The following TIE1 variants were observed in gnomAD, a reference collection of about 807,000 sequenced individuals.
The protein encoded by TIE1 is tyrosine-protein kinase receptor Tie-1.
A neutral mutation model predicts 130.5 loss-of-function variants in TIE1; 89 were observed. The ratio of observed to expected loss-of-function variants is 0.68; its 90% CI spans 0.57 to 0.81. The LOEUF is 0.81. Among genes scored for constraint, TIE1 ranks in the 40% least tolerant of loss-of-function variants. TIE1 has a pLI of 0.00. For missense variants in TIE1, 1,392 were observed against 1,559.8 expected (o/e 0.89, Z 1.81); for synonymous variants, 568 against 629.4 (o/e 0.90, Z 1.46).
At chr1:43,321,901 C>G (rs1284060035) in intron 22 of TIE1, among the ~76,000 whole-genome samples, 186 bp downstream of exon 22, 1 of 152,226 alleles carries the variant, frequency 6.6e-6, no homozygotes. Context: ...GGTTTAGACA[C>G]CAGGCCCTTC....
chr1:43,322,733 A>G lies in TIE1; in HGVS notation c.*11A>G. 2 of 1,613,320 alleles carry G rather than the reference A, an allele frequency of 1.2e-6. No individual in the cohort carries two copies. Among genetic ancestry groups the G allele is most frequent in the South Asian group, 2.2e-5 (2 of 91,022 alleles). ...GCTGAGGAGGCCTGAGCTGCCATCCAGCCAGAACGTGGCTCTGCTGGCCGG... is the reference window on the plus strand; with the variant it reads ...GCTGAGGAGGCCTGAGCTGCCATCCGGCCAGAACGTGGCTCTGCTGGCCGG... On this transcript the variant is annotated 3_prime_UTR_variant, in exon 23 of 23. Coordinates refer to ENST00000372476, the MANE Select transcript of TIE1 (RefSeq NM_005424.5). The surrounding 1 kb of genome is among the most constrained non-coding windows in gnomAD (Gnocchi z 4.0).
chr1:43,317,201 C>T lies in TIE1; in HGVS notation c.2412C>T (p.Gly804=), dbSNP rs139998698. ...CCCTCTTGTCTCATCCTGTGAAGGG[C>T]GAGGAGACCATCCTGCAGTTCAGCT... The part of the protein sequence containing the change: ...RRTFTYQSGS[G]EETILQFSSG... Residue 804 remains glycine, a splice_region_variant and synonymous_variant, in exon 15 of 23, where the codon GGC becomes GGT. Transcript: ENST00000372476. The surrounding 1 kb of genome is among the most constrained non-coding windows in gnomAD (Gnocchi z 5.1). 21 of 1,613,938 alleles carry T rather than the reference C, an allele frequency of 1.3e-5. No individual in the cohort carries two copies. Among genetic ancestry groups the T allele is most frequent in the African/African-American group, 1.2e-4 (9 of 75,006 alleles).
chr1:43,311,545 TG>T, intron 9 of TIE1, 125 bp from the exon 10 acceptor site: 2 of 1,315,212 alleles, frequency 1.5e-6, no homozygotes, highest in Non-Finnish European at 2.1e-6. Flanking sequence ...CCCTGGGCCC[TG>T]GCCACTATGG....
At position 43,307,755 on chromosome 1, in the gene TIE1, CCT is replaced by C. The variant is rs1256538996; in HGVS notation, c.914-40_914-39del. 11 of 1,612,288 alleles carry C rather than the reference CCT, an allele frequency of 6.8e-6. No individual in the cohort carries two copies. Among genetic ancestry groups the C allele is most frequent in the Admixed American group, 3.3e-5 (2 of 59,944 alleles). On this transcript the variant is annotated intron_variant, in intron 6 of 22. Transcript: ENST00000372476. This position sits in a 1 kb window ranked among gnomAD's most constrained non-coding sequence, Gnocchi z 5.4. Reference sequence around the variant, plus strand: ...GCCCTCATCTGTGCCCTCATTGCCCCCTGTCCCATGCCCCTCTAATCATACCT... The same window carrying C: ...GCCCTCATCTGTGCCCTCATTGCCCCGTCCCATGCCCCTCTAATCATACCT...
rs750303921 is a variant in TIE1, at chr1:43,317,383, T to C, written c.2594T>C (p.Met865Thr). 4.3e-6 allele frequency: 7 copies of C among 1,613,932 alleles called. No individual in the cohort carries two copies. Among genetic ancestry groups the C allele is most frequent in the Non-Finnish European group, 5.9e-6 (7 of 1,180,024 alleles). ...ATGATCAAGAAGGACGGGCTGAAGA[T>C]GAACGCAGCCATCAAAATGCTGAAA... ...RAMIKKDGLKMNAAIKMLKEY... is the reference protein window; with the variant it reads ...RAMIKKDGLKTNAAIKMLKEY... The change falls in exon 15 of 23, where the codon ATG (methionine) becomes ACG (threonine). Residue 865 changes from methionine (M) to threonine (T), a missense_variant. This residue lies in a region of TIE1 where 286 missense variants were observed against 354.4 expected (regional missense o/e 0.81). Coordinates refer to ENST00000372476, the MANE Select transcript of TIE1 (RefSeq NM_005424.5). This position sits in a 1 kb window ranked among gnomAD's most constrained non-coding sequence, Gnocchi z 5.1.
intron 9 of TIE1, among the ~76,000 whole-genome samples, chr1:43,310,049 T>C (rs1646772713): frequency 6.6e-6 from 1 of 152,124 alleles, no homozygotes; most frequent in Non-Finnish European, 1.5e-5. Flanking sequence ...CCACCTGCTC[T>C]AAGGCCTCCT....
At position 43,321,611 on chromosome 1, in the gene TIE1, C is replaced by T. The variant is rs199734139; in HGVS notation, c.3246-5C>T. 16 of 1,554,094 alleles carry T rather than the reference C, an allele frequency of 1.0e-5. No homozygotes were observed. The highest frequency in any genetic ancestry group is 4.9e-5 in the East Asian group (2 of 41,070). On this transcript the variant is annotated splice_region_variant and splice_polypyrimidine_tract_variant and intron_variant, in intron 21 of 22. Coordinates refer to ENST00000372476, the MANE Select transcript of TIE1 (RefSeq NM_005424.5). ...ACTCCTCATCTCAGCAATGCCCCCT[C>T]GCAGGTACGAGCTGATGCGTCAGTG...
chr1:43,321,060 C>A (rs866189888), intron 19 of TIE1, among the ~76,000 whole-genome samples: 1,658 of 134,762 alleles, frequency 0.012, 26 homozygotes, highest in African/African-American at 0.036. Flanking sequence ...AAAAACAAAA[C>A]AAAAGAGCTC....
chr1:43,312,653 A>G lies in TIE1; in HGVS notation c.1927+52A>G. 1 of 1,547,058 alleles carries G rather than the reference A, an allele frequency of 6.5e-7. No homozygotes were observed. On this transcript the variant is annotated intron_variant, in intron 12 of 22. Coordinates refer to ENST00000372476, the MANE Select transcript of TIE1 (RefSeq NM_005424.5). The surrounding 1 kb of genome is among the most constrained non-coding windows in gnomAD (Gnocchi z 5.6). ...GGGGTTGGGGGAGGACGTGGGACACAGGGACACATGAGACCTAGGAGACAC... is the reference window on the plus strand; with the variant it reads ...GGGGTTGGGGGAGGACGTGGGACACGGGGACACATGAGACCTAGGAGACAC...
Position 43,317,103 on chromosome 1 carries a change from C to T in TIE1, c.2410-96C>T. ...TCCATCTGGGTCTCTGCCCACTTGT[C>T]TGACACTGAAACCTCCTCGTGTGCC... On this transcript the variant is annotated intron_variant, in intron 14 of 22. Transcript: ENST00000372476. This position sits in a 1 kb window ranked among gnomAD's most constrained non-coding sequence, Gnocchi z 5.1. The T allele has an allele frequency of 7.5e-7, 1 of 1,329,306 alleles. No homozygotes were observed. Among genetic ancestry groups the T allele is most frequent in the Non-Finnish European group, 1.1e-6 (1 of 930,270 alleles). 82.3% of individuals were successfully genotyped at this position (1,329,306 alleles called of 1,614,324 possible).
chr1:43,307,672 T>G lies in TIE1; in HGVS notation c.913+100T>G. 1 of 1,602,378 alleles carries G rather than the reference T, an allele frequency of 6.2e-7. No individual in the cohort carries two copies. Among genetic ancestry groups the G allele is most frequent in the South Asian group, 1.1e-5 (1 of 89,708 alleles). ...CTCTGACTTACGCAGCAAGCCCTCC[T>G]GCTCACTTGACCAGTCCTTCTATCC... is the stretch of plus-strand genomic sequence containing the variant. On this transcript the variant is annotated intron_variant, in intron 6 of 22. Transcript: ENST00000372476. This position sits in a 1 kb window ranked among gnomAD's most constrained non-coding sequence, Gnocchi z 5.4.
At chr1:43,311,881 G>C (rs1646798300) in intron 10 of TIE1, 52 bp downstream of exon 10, 1 of 1,589,684 alleles carries the variant, frequency 6.3e-7, no homozygotes, top group African/African-American at 1.3e-5. Context: ...AATAGTGAAG[G>C]GATACAGTGA....
Position 43,322,940 on chromosome 1 carries a change from T to C in TIE1, c.*218T>C, listed in dbSNP as rs1022451494. The C allele has an allele frequency of 1.3e-5, 7 of 541,334 alleles. No homozygotes were observed. The highest frequency in any genetic ancestry group is 2.3e-5 in the Non-Finnish European group (7 of 302,030). The allele number at this position is 541,334 out of a possible 1,614,324, so 33.5% of individuals were successfully genotyped here. A position where few individuals can be genotyped will look rare whatever the true frequency, so the allele number is the denominator to read the frequency against. ...TAGCTATCCTGGGCATCCTTCTTTC[T>C]AGTTCAGCTGCCCCACAGGTGTGTT... On this transcript the variant is annotated 3_prime_UTR_variant, in exon 23 of 23. Coordinates refer to ENST00000372476, the MANE Select transcript of TIE1 (RefSeq NM_005424.5). This position sits in a 1 kb window ranked among gnomAD's most constrained non-coding sequence, Gnocchi z 4.0.
rs1002650443 is a variant in TIE1, at chr1:43,306,233, G to A, written c.485-607G>A. 2.0e-5 allele frequency among the ~76,000 whole-genome samples: 3 copies of A among 152,238 alleles called. No homozygotes were observed. The highest frequency in any genetic ancestry group is 4.4e-5 in the Non-Finnish European group (3 of 68,044). On this transcript the variant is annotated intron_variant, in intron 3 of 22. Coordinates refer to ENST00000372476, the MANE Select transcript of TIE1 (RefSeq NM_005424.5). The surrounding 1 kb of genome is among the most constrained non-coding windows in gnomAD (Gnocchi z 4.9). ...AGAAAAGGAAGGAAGGGCCTTCCAG[G>A]AGGAGGGACTGAGAAGAGCAGTAGG...
chr1:43,307,711 T>C lies in TIE1; in HGVS notation c.914-85T>C. 6.2e-7 allele frequency: 1 copy of C among 1,601,350 alleles called. No homozygotes were observed. Among genetic ancestry groups the C allele is most frequent in the Non-Finnish European group, 8.5e-7 (1 of 1,171,688 alleles). ...GTCCTTCTATCCTCAGCCTGTTGTA[T>C]AACCTGTGCCCCATCTGCGCCCTCA... On this transcript the variant is annotated intron_variant, in intron 6 of 22. Coordinates refer to ENST00000372476, the MANE Select transcript of TIE1 (RefSeq NM_005424.5). This position sits in a 1 kb window ranked among gnomAD's most constrained non-coding sequence, Gnocchi z 5.4.
At chr1:43,311,133 CCTT>C (rs1192426735) in intron 9 of TIE1, among the ~76,000 whole-genome samples, 2 of 152,130 alleles carry the variant, frequency 1.3e-5, no homozygotes, top group Non-Finnish European at 2.9e-5. Flanking sequence ...GGCTGTATCT[CCTT>C]CTAGTTGTGT....
rs937615079 is a variant in TIE1 at position 43,306,494 on chromosome 1, T to C, written c.485-346T>C. Among the ~76,000 whole-genome samples the C allele has an allele frequency of 6.6e-6, 1 of 151,666 alleles. No homozygotes were observed. The highest frequency in any genetic ancestry group is 2.4e-5 in the African/African-American group (1 of 41,232). On this transcript the variant is annotated intron_variant, in intron 3 of 22. Transcript: ENST00000372476. This position sits in a 1 kb window ranked among gnomAD's most constrained non-coding sequence, Gnocchi z 4.9. ...GTAAAAAATCACCCTGGCTGCTGGG[T>C]GGAGGAGGGACAAGAAAGGGTGACA...
Position 43,307,781 on chromosome 1 carries a change from C to G in TIE1, c.914-15C>G, listed in dbSNP as rs771972678. The G allele has an allele frequency of 3.7e-6, 6 of 1,613,954 alleles. No individual in the cohort carries two copies. The African/African-American group carries it at 8.0e-5, about 22-fold the overall frequency. ...CTGTCCCATGCCCCTCTAATCATAC[C>G]TCCTCTATTCCCAGCTTGTGCCCCT... On this transcript the variant is annotated splice_polypyrimidine_tract_variant and intron_variant, in intron 6 of 22. Coordinates refer to ENST00000372476, the MANE Select transcript of TIE1 (RefSeq NM_005424.5). The surrounding 1 kb of genome is among the most constrained non-coding windows in gnomAD (Gnocchi z 5.4).
chr1:43,313,477 A>C lies in TIE1; in HGVS notation c.2218+52A>C. The stretch of plus-strand genomic sequence containing the variant: ...CCCGGGCTCTGAGCGGGGAGAGCTC[A>C]GCACGCTCTCCTTCCACATCACCCC... On this transcript the variant is annotated intron_variant, in intron 13 of 22. Transcript: ENST00000372476. This position sits in a 1 kb window ranked among gnomAD's most constrained non-coding sequence, Gnocchi z 6.2. 6.3e-7 allele frequency: 1 copy of C among 1,592,792 alleles called. No homozygotes were observed. The highest frequency in any genetic ancestry group is 8.6e-7 in the Non-Finnish European group (1 of 1,165,468).
Sources: gnomAD v4.1 joint callset for allele counts (sites outside exome capture counted in the v4.1 genomes callset) on GRCh38, gnomAD v4.1.1 for gene constraint, gnomAD v4.1.1 regional missense constraint, Gnocchi (gnomAD v3.1) non-coding constraint, MANE v1.5 for transcripts, NCBI Gene and HGNC (gene_info 2026-07-23, HGNC 2026-07-21) for gene names.